Variants in RPL9 observed in about 807,000 individuals in gnomAD.
RPL9 encodes the protein large ribosomal subunit protein uL6.
For synonymous variants in RPL9, 82 were observed against 77.1 expected, an observed-to-expected ratio of 1.06 and a Z score of -0.33; for missense variants, 149 against 236.7, an observed-to-expected ratio of 0.63 and a Z score of 2.43.
In RPL9 at chr4:39,458,900, G is replaced by GAC. The variant is rs1390840437; in HGVS notation, c.-13_-12dup. 1 of 705,346 alleles carries GAC rather than the reference G, an allele frequency of 1.4e-6. No homozygotes were observed. Among genetic ancestry groups the GAC allele is most frequent in the South Asian group, 1.5e-5 (1 of 67,146 alleles). The allele number at this position is 705,346 out of a possible 1,614,324, so 43.7% of individuals were successfully genotyped here. Reference sequence around the variant, plus strand: ...ACAGAAACATCCTTACCTCGCAGTAGACGCAGCAAAGAAAGAACGTCTGTC... The same window carrying GAC: ...ACAGAAACATCCTTACCTCGCAGTAGACACGCAGCAAAGAAAGAACGTCTGTC... On this transcript the variant is annotated 5_prime_UTR_variant, in exon 1 of 8. Transcript: ENST00000295955.
intron 7 of RPL9, 57 bp downstream of exon 7, chr4:39,454,476 T>C: frequency 1.6e-6 from 2 of 1,288,188 alleles, no homozygotes; most frequent in Non-Finnish European, 2.2e-6. Context: ...TTTTAGTAAA[T>C]TAAGAGCTTC....
chr4:39,455,150 C>T (rs1403204595), intron 5 of RPL9: 3 of 498,896 alleles, frequency 6.0e-6, no homozygotes, highest in Non-Finnish European at 1.1e-5. Flanking sequence ...GAGATCGAAA[C>T]CATCCTGGCT....
intron 5 of RPL9, 171 bp from the exon 6 acceptor site, chr4:39,455,115 C>T (rs546571916): frequency 1.4e-5 from 8 of 585,508 alleles, no homozygotes; most frequent in Non-Finnish European, 2.4e-5. Flanking sequence ...TTTGGGAGGC[C>T]GAGGCGGGCG....
At chr4:39,456,339 G>C (rs1359737513) in intron 5 of RPL9, 67 bp downstream of exon 5, 1 of 1,556,706 alleles carries the variant, frequency 6.4e-7, no homozygotes, top group Non-Finnish European at 8.9e-7. Context: ...TGGAAGTTGG[G>C]AGTGGAAAAG....
intron 1 of RPL9, 44 bp downstream of exon 1, chr4:39,458,847 G>C: frequency 1.4e-6 from 1 of 695,066 alleles, no homozygotes; most frequent in East Asian, 2.7e-5. Flanking sequence ...AGAGCAGATG[G>C]TTTCAGATTC....
rs73137448 is a variant in RPL9, at chr4:39,458,708, G to A, written c.-2+183C>T. On this transcript the variant is annotated intron_variant, in intron 1 of 7. Coordinates refer to ENST00000295955, the MANE Select transcript of RPL9 (RefSeq NM_000661.5). ...CGGTGCCATCCCGGCAAGACTGAGG[G>A]GCGGGAATAGGCCAAAAAGCCCACA... is the stretch of plus-strand genomic sequence containing the variant. 34,755 of 632,714 alleles carry A rather than the reference G, an allele frequency of 0.055. 1,077 individuals carry two copies. The highest frequency in any genetic ancestry group is 0.07 in the Middle Eastern group (184 of 2,642). The allele number at this position is 632,714 out of a possible 1,614,324, so 39.2% of individuals were successfully genotyped here.
At chr4:39,458,763 C>A in intron 1 of RPL9, 128 bp downstream of exon 1, 1 of 678,550 alleles carries the variant, frequency 1.5e-6, no homozygotes, top group Non-Finnish European at 2.7e-6. Flanking sequence ...CCGCCAGGCT[C>A]ATATGGCGCT....
At position 39,454,831 on chromosome 4, in the gene RPL9, G is replaced by C. The variant is rs201567212; in HGVS notation, c.472+33C>G. The C allele has an allele frequency of 1.9e-6, 3 of 1,595,198 alleles. No individual in the cohort carries two copies. In the East Asian group the frequency reaches 6.7e-5, roughly 36 times the overall value. ...TTAAACAAGATTTAGACAAAATCTT[G>C]TAGGCATAGTTAGACATAGTAAACA... On this transcript the variant is annotated intron_variant, in intron 6 of 7. Transcript: ENST00000295955.
intron 4 of RPL9, 83 bp from the exon 5 acceptor site, chr4:39,456,621 T>G: frequency 6.8e-7 from 1 of 1,461,598 alleles, no homozygotes; most frequent in Non-Finnish European, 9.3e-7. Flanking sequence ...TGCTTATACT[T>G]ATTTTAAAAC....
At chr4:39,458,629 C>A (rs1744237805) in intron 1 of RPL9, 189 bp from the exon 2 acceptor site, 1 of 637,074 alleles carries the variant, frequency 1.6e-6, no homozygotes. Flanking sequence ...GCGAGAATTA[C>A]GAGGCCCAGC....
At chr4:39,455,835 A>G (rs980531363) in intron 5 of RPL9, 7 of 179,040 alleles carry the variant, frequency 3.9e-5, no homozygotes. Context: ...TTACGCATGC[A>G]TTGTTGTTTT....
chr4:39,456,459 T>C lies in RPL9; in HGVS notation c.338A>G (p.Glu113Gly), dbSNP rs751291866. The C allele has an allele frequency of 6.2e-7, 1 of 1,614,060 alleles. No homozygotes were observed. The highest frequency in any genetic ancestry group is 8.5e-7 in the Non-Finnish European group (1 of 1,180,020). ...VVIQENGSLV[E>G]IRNFLGEKYI... ...TTTTTCACCCAAGAAATTTCGGATT[T>C]CAACAAGAGACCCATTCTCCTGGAT... Residue 113 changes from glutamate (E) to glycine (G), a missense_variant, in exon 5 of 8, where the codon GAA (glutamate) becomes GGA (glycine). Glu to Gly is a moderately conservative substitution (Grantham distance 98). Transcript: ENST00000295955.
At chr4:39,458,520 A>C (rs1744226913) in intron 1 of RPL9, 80 bp from the exon 2 acceptor site, 2 of 1,451,392 alleles carry the variant, frequency 1.4e-6, no homozygotes, top group Non-Finnish European at 1.9e-6. Flanking sequence ...CTCCACTCCT[A>C]CTGGAGACTG....
intron 4 of RPL9, 75 bp from the exon 5 acceptor site, chr4:39,456,613 C>T (rs1744097491): frequency 6.7e-7 from 1 of 1,495,488 alleles, no homozygotes; most frequent in Non-Finnish European, 9.1e-7. Flanking sequence ...TTCTAAGATG[C>T]TTATACTTAT....
intron 5 of RPL9, 57 bp downstream of exon 5, chr4:39,456,349 G>C: frequency 6.2e-7 from 1 of 1,601,000 alleles, no homozygotes; most frequent in Non-Finnish European, 8.6e-7. Context: ...GAGTGGAAAA[G>C]GAGGAAAAAA....
chr4:39,458,211 CAAG>C lies in RPL9; in HGVS notation c.142_144del (p.Leu48del), dbSNP rs1157484416. On this transcript the variant is annotated inframe_deletion, in exon 3 of 8. Coordinates refer to ENST00000295955, the MANE Select transcript of RPL9 (RefSeq NM_000661.5). ...ACCCTCACCCTCTTTTTTTTCTTTC[CAAG>C]AAGGCTGAGTTCTACATTGATGTGA... 6 of 1,613,540 alleles carry C rather than the reference CAAG, an allele frequency of 3.7e-6. No homozygotes were observed. In the African/African-American group the frequency reaches 4.0e-5, roughly 11 times the overall value.
At chr4:39,454,349 C>T in intron 7 of RPL9, 124 bp from the exon 8 acceptor site, 1 of 542,200 alleles carries the variant, frequency 1.8e-6, no homozygotes, top group South Asian at 2.6e-5. Context: ...CTTACTGATT[C>T]ATAGTAAACT....
rs760399691 is a variant in RPL9 at position 39,458,921 on chromosome 4, C to A, written c.-32G>T. 7 of 716,362 alleles carry A rather than the reference C, an allele frequency of 9.8e-6. No homozygotes were observed. Among genetic ancestry groups the A allele is most frequent in the Non-Finnish European group, 1.8e-5 (7 of 394,592 alleles). The allele number at this position is 716,362 out of a possible 1,614,324, so 44.4% of individuals were successfully genotyped here. A position where few individuals can be genotyped will look rare whatever the true frequency, so the allele number is the denominator to read the frequency against. ...AGTAGACGCAGCAAAGAAAGAACGT[C>A]TGTCGTCATTACGTACTTGTATCGC... is the stretch of plus-strand genomic sequence containing the variant. On this transcript the variant is annotated 5_prime_UTR_variant, in exon 1 of 8. Transcript: ENST00000295955.
chr4:39,455,049 CCTTTT>C (rs1744032564), intron 5 of RPL9, 105 bp from the exon 6 acceptor site: 2 of 1,188,052 alleles, frequency 1.7e-6, no homozygotes, highest in Non-Finnish European at 2.4e-6. Context: ...ACCAAAAGAA[CCTTTT>C]CTTAAGATTT....
Sources: gnomAD v4.1 joint callset for allele counts on GRCh38, gnomAD v4.1.1 for gene constraint, MANE v1.5 for transcripts, NCBI Gene and HGNC (gene_info 2026-07-23, HGNC 2026-07-21) for gene names.